SLC25A37: variants seen among roughly 807,000 people sequenced by gnomAD.
SLC25A37 encodes mitoferrin-1.
In SLC25A37, 17 loss-of-function variants were observed where a neutral mutation model predicts 31.0. That is an observed-to-expected ratio of 0.55 (90% CI 0.38 to 0.82). The LOEUF is 0.82. Among genes scored for constraint, SLC25A37 ranks in the 40% least tolerant of loss-of-function variants. The probability of loss-of-function intolerance (pLI) is 0.00; values close to 1 mark genes in which losing one functional copy is unlikely to be tolerated. For missense variants in SLC25A37, 404 were observed against 465.8 expected (o/e 0.87, Z 1.22); for synonymous variants, 222 against 193.0 (o/e 1.15, Z -1.24).
Position 23,567,826 on chromosome 8 carries a change from GTTTTTTTTTTTT to G in SLC25A37, c.440-477_440-466del, listed in dbSNP as rs542715318. 1.1e-4 allele frequency: 12 copies of G among 111,632 alleles called. 1 individual carries two copies. The East Asian group carries it at 1.3e-3, about 12-fold the overall frequency. The allele number at this position is 111,632 out of a possible 1,614,324, so 6.9% of individuals were successfully genotyped here. A position where few individuals can be genotyped will look rare whatever the true frequency, so the allele number is the denominator to read the frequency against. ...TCCTGATTTCCTCTTCTCTTGCCCA[GTTTTTTTTTTTT>G]TTTTTTTTTTTTTTTTTTAAAGCCT... On this transcript the variant is annotated intron_variant, in intron 2 of 3. Transcript: ENST00000519973.
Position 23,529,296 on chromosome 8 carries a change from G to C in SLC25A37, c.210+84G>C. ...TTGCATCCCGCGCGCCGGCAGCCTC[G>C]GGGCAGCGTCCCGAAACCGAGCTCT... On this transcript the variant is annotated intron_variant, in intron 1 of 3. Coordinates refer to ENST00000519973, the MANE Select transcript of SLC25A37 (RefSeq NM_016612.4). The surrounding 1 kb of genome is among the most constrained non-coding windows in gnomAD (Gnocchi z 4.1). 3 of 1,371,874 alleles carry C rather than the reference G, an allele frequency of 2.2e-6. No individual in the cohort carries two copies. Among genetic ancestry groups the C allele is most frequent in the Admixed American group, 4.6e-5 (2 of 43,362 alleles). The allele number at this position is 1,371,874 out of a possible 1,614,324, so 85.0% of individuals were successfully genotyped here. A position where few individuals can be genotyped will look rare whatever the true frequency, so the allele number is the denominator to read the frequency against.
chr8:23,542,984 GTGTTA>G (rs1429207124), intron 1 of SLC25A37: 1 of 152,208 alleles, frequency 6.6e-6, no homozygotes, highest in East Asian at 1.9e-4. Flanking sequence ...TTTAAGCCAA[GTGTTA>G]TTACAAGAGT....
intron 1 of SLC25A37, among the ~76,000 whole-genome samples, chr8:23,533,938 C>G (rs1028929499): frequency 1.9e-4 from 16 of 83,602 alleles, no homozygotes; most frequent in African/African-American, 7.4e-4. Context: ...TTTTTTCTCC[C>G]TCTCTCTCTC....
intron 1 of SLC25A37, among the ~76,000 whole-genome samples, chr8:23,539,361 T>G (rs7842144): frequency 0.38 from 57,032 of 151,986 alleles, 12,378 homozygotes; most frequent in East Asian, 0.62. Flanking sequence ...GGACCTTGAG[T>G]TCTGGCTGGC....
At chr8:23,546,340 A>C (rs28692182) in intron 1 of SLC25A37, among the ~76,000 whole-genome samples, 56,238 of 150,844 alleles carry the variant, frequency 0.37, 12,045 homozygotes, top group East Asian at 0.61. Context: ...ACAGAAAATG[A>C]CCTGTGTGGG....
intron 1 of SLC25A37, among the ~76,000 whole-genome samples, chr8:23,546,529 GTGTA>G (rs1465430129): frequency 0.041 from 2,650 of 64,246 alleles, 188 homozygotes; most frequent in South Asian, 0.25. Context: ...ATATATATAG[GTGTA>G]TATATATATA....
Position 23,540,651 on chromosome 8 carries a change from C to T in SLC25A37, c.210+11439C>T, listed in dbSNP as rs77661513. ...ATTTCAGCAGTGAGTCGAAGTTGCA[C>T]TCAATATAGTGTTTTGAATTCGGAC... On this transcript the variant is annotated intron_variant, in intron 1 of 3. Transcript: ENST00000519973. Among the ~76,000 whole-genome samples, 500 of 152,308 alleles carry T rather than the reference C, an allele frequency of 3.3e-3. 4 individuals carry two copies. Among genetic ancestry groups the T allele is most frequent in the African/African-American group, 0.011 (476 of 41,566 alleles).
chr8:23,541,324 C>T (rs11781298), intron 1 of SLC25A37: 56,889 of 152,178 alleles, frequency 0.37, 12,341 homozygotes, highest in East Asian at 0.61. Flanking sequence ...TCCCTTTGAG[C>T]ACCAGGCAGA....
intron 1 of SLC25A37, among the ~76,000 whole-genome samples, chr8:23,551,873 T>G (rs2978483): frequency 0.43 from 64,995 of 151,860 alleles, 14,567 homozygotes; most frequent in African/African-American, 0.53. Context: ...TGTTGGGGGG[T>G]ACCTAGGGTC....
intron 1 of SLC25A37, among the ~76,000 whole-genome samples, chr8:23,552,742 AT>A (rs1174223936): frequency 1.3e-5 from 2 of 152,140 alleles, no homozygotes; most frequent in African/African-American, 4.8e-5. Flanking sequence ...AGATTCTGTG[AT>A]TGGGATTTTC....
chr8:23,554,459 C>T (rs1302243035), intron 1 of SLC25A37, among the ~76,000 whole-genome samples: 3 of 152,190 alleles, frequency 2.0e-5, no homozygotes, highest in Non-Finnish European at 4.4e-5. Flanking sequence ...TCACCAGTTG[C>T]ACTCATGAAA....
Position 23,571,343 on chromosome 8 carries a change from C to T in SLC25A37, c.505C>T (p.Gln169Ter). Residue 169 changes from glutamine (Q) to a stop codon, truncating the protein, a stop_gained, in exon 4 of 4, where the codon CAG (glutamine) becomes TAG (stop). Transcript: ENST00000519973. LOFTEE classifies it high-confidence loss of function. Reference protein sequence around the residue: ...AVMNPAEVVKQRLQMYNSQHR... With the variant: ...AVMNPAEVVK ...CGCGGTTCCAACCACAGTGGTGAAG[C>T]AGCGCTTGCAGATGTACAACTCGCA... 6.3e-7 allele frequency: 1 copy of T among 1,580,270 alleles called. No individual in the cohort carries two copies. Among genetic ancestry groups the T allele is most frequent in the Non-Finnish European group, 8.6e-7 (1 of 1,162,394 alleles).
chr8:23,566,548 T>A, intron 2 of SLC25A37: 2 of 1,320,164 alleles, frequency 1.5e-6, no homozygotes, highest in South Asian at 4.1e-5. Context: ...CCCTCCGCTT[T>A]CTGAAGCCTG....
rs569536072 is a variant in SLC25A37, at chr8:23,529,268, C to T, written c.210+56C>T. ...CGAGCGGAGAAGGAGCGCGCGCGCG[C>T]ATTTGCATCCCGCGCGCCGGCAGCC... On this transcript the variant is annotated intron_variant, in intron 1 of 3. Transcript: ENST00000519973. This position sits in a 1 kb window ranked among gnomAD's most constrained non-coding sequence, Gnocchi z 4.1. The T allele has an allele frequency of 8.4e-5, 126 of 1,498,400 alleles. 1 individual carries two copies. The highest frequency in any genetic ancestry group is 2.5e-4 in the South Asian group (21 of 82,540). The allele number at this position is 1,498,400 out of a possible 1,614,324, so 92.8% of individuals were successfully genotyped here. A position where few individuals can be genotyped will look rare whatever the true frequency, so the allele number is the denominator to read the frequency against.
Position 23,529,262 on chromosome 8 carries a change from C to G in SLC25A37, c.210+50C>G. On this transcript the variant is annotated intron_variant, in intron 1 of 3. Coordinates refer to ENST00000519973, the MANE Select transcript of SLC25A37 (RefSeq NM_016612.4). This position sits in a 1 kb window ranked among gnomAD's most constrained non-coding sequence, Gnocchi z 4.1. The stretch of plus-strand genomic sequence containing the variant: ...ACGCAACGAGCGGAGAAGGAGCGCG[C>G]GCGCGCATTTGCATCCCGCGCGCCG... 6.5e-7 allele frequency: 1 copy of G among 1,541,912 alleles called. No individual in the cohort carries two copies.
intron 2 of SLC25A37, chr8:23,567,213 C>G (rs1398382948): frequency 6.6e-6 from 1 of 152,160 alleles, no homozygotes; most frequent in East Asian, 1.9e-4. Flanking sequence ...CTCCCCCTCT[C>G]TTTTTACTCT....
rs1039339538 is a variant in SLC25A37, at chr8:23,568,552, G to C, written c.496+174G>C. The C allele has an allele frequency of 5.8e-6, 4 of 687,758 alleles. No homozygotes were observed. In the Admixed American group the frequency reaches 7.5e-5, roughly 13 times the overall value. 42.6% of individuals were successfully genotyped at this position (687,758 alleles called of 1,614,324 possible). On this transcript the variant is annotated intron_variant, in intron 3 of 3. Coordinates refer to ENST00000519973, the MANE Select transcript of SLC25A37 (RefSeq NM_016612.4). ...GTTATCAAAGGCCTCAAGAAAGGAC[G>C]TGAACATAAGAGTTTTTGGTATTCC... is the stretch of plus-strand genomic sequence containing the variant.
At chr8:23,531,105 A>G (rs1801652830) in intron 1 of SLC25A37, among the ~76,000 whole-genome samples, 1 of 152,222 alleles carries the variant, frequency 6.6e-6, no homozygotes, top group South Asian at 2.1e-4. Flanking sequence ...TTAGCTAATC[A>G]GTGAAGTCTT....
intron 1 of SLC25A37, among the ~76,000 whole-genome samples, chr8:23,565,894 A>T (rs1295690885): frequency 6.6e-6 from 1 of 152,240 alleles, no homozygotes; most frequent in African/African-American, 2.4e-5. Context: ...TTCTCCCTTT[A>T]TGGAGCATAA....
Sources: allele counts gnomAD v4.1 joint callset (sites outside exome capture counted in the v4.1 genomes callset), GRCh38; gene constraint gnomAD v4.1.1; non-coding constraint Gnocchi (gnomAD v3.1); transcripts MANE v1.5; gene names NCBI Gene and HGNC (gene_info 2026-07-23, HGNC 2026-07-21).